The following CSF3R variants were observed in gnomAD, a reference collection of about 807,000 sequenced individuals.
CSF3R encodes the protein granulocyte colony-stimulating factor receptor.
CSF3R carries 52 observed loss-of-function variants against 84.4 expected under a neutral mutation model. That is an observed-to-expected ratio of 0.62 (90% confidence interval 0.49 to 0.78). The LOEUF is 0.78. Ranked by LOEUF, CSF3R falls within the 30% of genes least tolerant of loss-of-function variation. The pLI is 0.00. For synonymous variants in CSF3R, 384 were observed against 429.1 expected, an observed-to-expected ratio of 0.89 and a Z score of 1.30; for missense variants, 890 against 1,055.7, an observed-to-expected ratio of 0.84 and a Z score of 2.17.
Position 36,472,676 on chromosome 1 carries a change from C to A in CSF3R, c.684G>T (p.Glu228Asp), listed in dbSNP as rs1650851734. The A allele has an allele frequency of 6.3e-7, 1 of 1,598,670 alleles. No individual in the cohort carries two copies. The highest frequency in any genetic ancestry group is 8.5e-7 in the Non-Finnish European group (1 of 1,170,746). The stretch of plus-strand genomic sequence containing the variant: ...GGTCCATGGTCCGCAGCATGGGGGG[C>A]TCCAGTTTCACTGCAAGGAGTGGGG... ...CLDPMDVVKL[E>D]PPMLRTMDPS... Residue 228 changes from glutamate (E) to aspartate (D), a missense_variant, in exon 7 of 17, where the codon GAG becomes GAT. Glu to Asp is a conservative substitution (Grantham distance 45, BLOSUM62 2). Coordinates refer to ENST00000373106, the MANE Select transcript of CSF3R (RefSeq NM_000760.4). This position sits in a 1 kb window ranked among gnomAD's most constrained non-coding sequence, Gnocchi z 5.0.
At chr1:36,479,816 C>T (rs116534994) in intron 2 of CSF3R, among the ~76,000 whole-genome samples, 3 of 152,268 alleles carry the variant, frequency 2.0e-5, no homozygotes, top group African/African-American at 7.2e-5. Flanking sequence ...AGCATTCTTC[C>T]GCCTTCCCAG....
At chr1:36,469,338 T>C in intron 11 of CSF3R, 81 bp from the exon 12 acceptor site, 1 of 1,119,738 alleles carries the variant, frequency 8.9e-7, no homozygotes, top group Non-Finnish European at 1.4e-6. Context: ...AGACCTCTAG[T>C]GAGGGCTAAC....
chr1:36,467,879 C>A lies in CSF3R; in HGVS notation c.1807G>T (p.Ala603Ser), dbSNP rs765606679. The change falls in exon 14 of 17, where the codon GCC (alanine) becomes TCC (serine). Residue 603 changes from alanine to serine, a missense_variant. Coordinates refer to ENST00000373106, the MANE Select transcript of CSF3R (RefSeq NM_000760.4). The surrounding 1 kb of genome is among the most constrained non-coding windows in gnomAD (Gnocchi z 4.1). ...ASLYHIHLMA[A>S]SQAGATNSTV... Reference sequence around the variant, plus strand: ...CTGTTGGTGGCCCCAGCCTGGCTGGCAGCCATGAGGTGGATGTGATACAGA... The same window carrying A: ...CTGTTGGTGGCCCCAGCCTGGCTGGAAGCCATGAGGTGGATGTGATACAGA... The A allele has an allele frequency of 4.3e-6, 7 of 1,614,124 alleles. No homozygotes were observed. The Admixed American group carries it at 8.3e-5, about 19-fold the overall frequency.
intron 2 of CSF3R, 59 bp downstream of exon 2, chr1:36,481,419 G>A (rs752900427): frequency 1.3e-5 from 2 of 152,270 alleles, no homozygotes; most frequent in Non-Finnish European, 2.9e-5. Flanking sequence ...TATGCAGAGA[G>A]GTTTGGAGCC....
Position 36,469,711 on chromosome 1 carries a change from T to C in CSF3R, c.1415A>G (p.Asn472Ser). The change falls in exon 11 of 17, where the codon AAT becomes AGT. Residue 472 changes from asparagine to serine, a missense_variant. By Grantham distance (46) the Asn-to-Ser change is conservative (BLOSUM62 1). Coordinates refer to ENST00000373106, the MANE Select transcript of CSF3R (RefSeq NM_000760.4). Reference sequence around the variant, plus strand: ...TTCCATCCTCCAGGTCTTGTTGCTATTGCTCGCGCTGGGGGGGCCCAGGCC... The same window carrying C: ...TTCCATCCTCCAGGTCTTGTTGCTACTGCTCGCGCTGGGGGGGCCCAGGCC... ...EWGLGPPSAS[N>S]SNKTWRMEQN... 6.2e-7 allele frequency: 1 copy of C among 1,614,190 alleles called. No individual in the cohort carries two copies. The highest frequency in any genetic ancestry group is 1.3e-5 in the African/African-American group (1 of 75,052).
At chr1:36,471,716 G>T (rs1557592350) in intron 9 of CSF3R, 70 bp from the exon 10 acceptor site, 9 of 1,503,260 alleles carry the variant, frequency 6.0e-6, no homozygotes, top group Non-Finnish European at 7.4e-6. Flanking sequence ...GCCTCTAGGT[G>T]GGGTGGATGG....
At chr1:36,479,409 A>C in intron 3 of CSF3R, 24 bp downstream of exon 3, 1 of 1,612,626 alleles carries the variant, frequency 6.2e-7, no homozygotes. Context: ...TCCCCACTGC[A>C]CCCTCATCCT....
intron 2 of CSF3R, among the ~76,000 whole-genome samples, chr1:36,479,782 G>T (rs902203989): frequency 6.6e-6 from 1 of 152,250 alleles, no homozygotes; most frequent in African/African-American, 2.4e-5. Context: ...CCAGGAAAGA[G>T]CAGGGAAAGG....
intron 10 of CSF3R, 125 bp downstream of exon 10, chr1:36,471,308 A>G (rs748757143): frequency 1.0e-6 from 1 of 979,330 alleles, no homozygotes; most frequent in Non-Finnish European, 1.6e-6. Context: ...CGGCCTCCCA[A>G]AGTGCTGGGA....
chr1:36,479,965 G>A, intron 2 of CSF3R: 1 of 301,140 alleles, frequency 3.3e-6, no homozygotes, highest in Non-Finnish European at 6.5e-6. Context: ...CCAGCACAAA[G>A]TTACATCATC....
rs929676275 is a variant in CSF3R, at chr1:36,467,499, G to A, written c.1958+59C>T. On this transcript the variant is annotated intron_variant, in intron 15 of 16. Coordinates refer to ENST00000373106, the MANE Select transcript of CSF3R (RefSeq NM_000760.4). The surrounding 1 kb of genome is among the most constrained non-coding windows in gnomAD (Gnocchi z 4.1). ...GAAGGGACTTAGATGGGCCCATCTG[G>A]ACCTGAGGTTCCCTGTGGGTGGGGG... The A allele has an allele frequency of 1.4e-5, 22 of 1,552,020 alleles. No homozygotes were observed. Among genetic ancestry groups the A allele is most frequent in the Non-Finnish European group, 1.9e-5 (21 of 1,125,910 alleles).
chr1:36,475,273 C>A, intron 4 of CSF3R, 104 bp downstream of exon 4: 1 of 1,424,276 alleles, frequency 7.0e-7, no homozygotes, highest in Non-Finnish European at 9.9e-7. Context: ...TCCCAAAGTG[C>A]TGGGAATACA....
chr1:36,466,391 C>T lies in CSF3R; in HGVS notation c.2477G>A (p.Arg826Gln), dbSNP rs1332794856. 8 of 1,613,440 alleles carry T rather than the reference C, an allele frequency of 5.0e-6. No individual in the cohort carries two copies. The Admixed American group carries it at 5.0e-5, about 10-fold the overall frequency. The change falls in exon 17 of 17, where the codon CGG (arginine) becomes CAG (glutamine). Residue 826 changes from arginine to glutamine, a missense_variant. Coordinates refer to ENST00000373106, the MANE Select transcript of CSF3R (RefSeq NM_000760.4). The surrounding 1 kb of genome is among the most constrained non-coding windows in gnomAD (Gnocchi z 4.6). ...CCCCAGCGCCTCCATCCCATGGACCCGGATCCCCTGCAGGAGGGGGAAGTT... is the reference window on the plus strand; with the variant it reads ...CCCCAGCGCCTCCATCCCATGGACCTGGATCCCCTGCAGGAGGGGGAAGTT... Reference protein sequence around the residue: ...LLNFPLLQGIRVHGMEALGSF With the variant: ...LLNFPLLQGIQVHGMEALGSF
Position 36,475,498 on chromosome 1 carries a change from A to G in CSF3R, c.240T>C (p.Asp80=). The change falls in exon 4 of 17, where the codon GAT becomes GAC. Residue 80 remains aspartate (D), a synonymous_variant. Transcript: ENST00000373106. ...QPGGRQQRLS[D]GTQESIITLP... ...GGGTGATGATAGATTCCTGGGTCCC[A>G]TCAGACAGACGCTGCTGCCTGCCCC... The G allele has an allele frequency of 1.2e-6, 2 of 1,614,166 alleles. No individual in the cohort carries two copies. Among genetic ancestry groups the G allele is most frequent in the Non-Finnish European group, 8.5e-7 (1 of 1,180,002 alleles).
Position 36,467,765 on chromosome 1 carries a change from C to T in CSF3R, c.1864+57G>A. 6.2e-7 allele frequency: 1 copy of T among 1,614,028 alleles called. No homozygotes were observed. Among genetic ancestry groups the T allele is most frequent in the Non-Finnish European group, 8.5e-7 (1 of 1,179,874 alleles). On this transcript the variant is annotated intron_variant, in intron 14 of 16. Coordinates refer to ENST00000373106, the MANE Select transcript of CSF3R (RefSeq NM_000760.4). This position sits in a 1 kb window ranked among gnomAD's most constrained non-coding sequence, Gnocchi z 4.1. ...CCCAGCTACTCTCAAAATCAGCATC[C>T]TTTGGGTGGGGTACCCTCCAAACAG...
At chr1:36,469,584 G>A in intron 11 of CSF3R, 68 bp downstream of exon 11, 1 of 1,572,674 alleles carries the variant, frequency 6.4e-7, no homozygotes, top group Non-Finnish European at 8.7e-7. Flanking sequence ...GTTGTCCCAT[G>A]CCTATTGTCA....
rs769597810 is a variant in CSF3R at position 36,473,577 on chromosome 1, G to A, written c.531C>T (p.Cys177=). 5.0e-6 allele frequency: 8 copies of A among 1,614,044 alleles called. No homozygotes were observed. Among genetic ancestry groups the A allele is most frequent in the East Asian group, 2.2e-5 (1 of 44,902 alleles). The change falls in exon 6 of 17, where the codon TGC becomes TGT. Residue 177 remains cysteine, a synonymous_variant. Coordinates refer to ENST00000373106, the MANE Select transcript of CSF3R (RefSeq NM_000760.4). Reference sequence around the variant, plus strand: ...AGTGGCTCTGCCCGTCCTTGGGCACGCAGTCCAGGATGGAGTCCCCTTGGG... The same window carrying A: ...AGTGGCTCTGCCCGTCCTTGGGCACACAGTCCAGGATGGAGTCCCCTTGGG... The part of the protein sequence containing the change: ...CQTQGDSILD[C]VPKDGQSHCC...
chr1:36,472,633 G>C lies in CSF3R; in HGVS notation c.727C>G (p.Pro243Ala), dbSNP rs199784319. The C allele has an allele frequency of 1.9e-6, 3 of 1,612,062 alleles. No individual in the cohort carries two copies. Among genetic ancestry groups the C allele is most frequent in the African/African-American group, 2.7e-5 (2 of 75,002 alleles). Residue 243 changes from proline to alanine, a missense_variant, in exon 7 of 17, where the codon CCT (proline) becomes GCT (alanine). Physicochemically the swap from Pro to Ala is conservative, Grantham distance 27 (BLOSUM62 -1). Transcript: ENST00000373106. The surrounding 1 kb of genome is among the most constrained non-coding windows in gnomAD (Gnocchi z 5.0). ...RTMDPSPEAA[P>A]PQAGCLQLCW... Reference sequence around the variant, plus strand: ...AGCTGTAGGCAGCCTGCCTGGGGAGGGGCCGCTTCAGGGCTGGGGTCCATG... The same window carrying C: ...AGCTGTAGGCAGCCTGCCTGGGGAGCGGCCGCTTCAGGGCTGGGGTCCATG...
chr1:36,473,039 GC>G lies in CSF3R; in HGVS notation c.674-354del, dbSNP rs1442008351. 7.4e-6 allele frequency: 3 copies of G among 408,084 alleles called. No homozygotes were observed. In the East Asian group the frequency reaches 1.4e-4, roughly 19 times the overall value. 25.3% of individuals were successfully genotyped at this position (408,084 alleles called of 1,614,324 possible). ...CTCCCCTTCCCCCCTCTCTCTCTAT[GC>G]CCTTCTCCTCCTTTAATTTCTCCTT... On this transcript the variant is annotated intron_variant, in intron 6 of 16. Transcript: ENST00000373106.
Sources: gnomAD v4.1 joint callset for allele counts (sites outside exome capture counted in the v4.1 genomes callset) on GRCh38, gnomAD v4.1.1 for gene constraint, Gnocchi (gnomAD v3.1) non-coding constraint, MANE v1.5 for transcripts, NCBI Gene and HGNC (gene_info 2026-07-23, HGNC 2026-07-21) for gene names.